Variants in ASPSCR1 observed in about 807,000 individuals in gnomAD.
ASPSCR1 encodes ASPSCR1 tether for SLC2A4, UBX domain containing.
A neutral mutation model predicts 68.9 loss-of-function variants in ASPSCR1; 55 were observed. The observed-to-expected ratio is 0.80, with a 90% confidence interval of 0.64 to 1.00. ASPSCR1 has a LOEUF of 1.00. Ranked by LOEUF, ASPSCR1 falls within the 50% of genes least tolerant of loss-of-function variation. ASPSCR1 has a pLI of 0.00. For synonymous variants in ASPSCR1, 352 were observed against 332.6 expected (o/e 1.06, Z -0.63); for missense variants, 765 against 762.2 (o/e 1.00, Z -0.04).
At chr17:82,014,262 C>G (rs1236075406) in intron 12 of ASPSCR1, 2 of 152,516 alleles carry the variant, frequency 1.3e-5, no homozygotes, top group Admixed American at 6.5e-5. Context: ...TGCCGTGTCG[C>G]CCACTGCCGG....
At chr17:81,988,760 T>C (rs2042074943) in intron 4 of ASPSCR1, among the ~76,000 whole-genome samples, 1 of 152,096 alleles carries the variant, frequency 6.6e-6, no homozygotes, top group Admixed American at 6.5e-5. Context: ...GTGGGTGTCA[T>C]GTGGGTGTTG....
intron 6 of ASPSCR1, 125 bp downstream of exon 6, chr17:81,996,190 C>T (rs1368214683): frequency 2.3e-5 from 30 of 1,312,766 alleles, no homozygotes; most frequent in African/African-American, 6.0e-5. Flanking sequence ...TCATGGAGAG[C>T]GCCTGGTGGC....
chr17:81,996,975 A>T, intron 7 of ASPSCR1, 129 bp downstream of exon 7: 10 of 1,497,922 alleles, frequency 6.7e-6, no homozygotes, highest in Non-Finnish European at 8.9e-6. Context: ...CGCGCAGAGG[A>T]ACCCAAACGC....
chr17:81,978,768 A>G, intron 1 of ASPSCR1: 1 of 237,878 alleles, frequency 4.2e-6, no homozygotes, highest in South Asian at 4.9e-5. Flanking sequence ...CTTTTTATGG[A>G]GAAGAGGGGC....
intron 7 of ASPSCR1, among the ~76,000 whole-genome samples, chr17:82,000,034 A>G (rs975795666): frequency 6.6e-6 from 1 of 152,144 alleles, no homozygotes; most frequent in African/African-American, 2.4e-5. Context: ...AACTCTGCCA[A>G]ACTCTGCACT....
In ASPSCR1 at chr17:81,990,058, A is replaced by C. The variant is rs146513986; in HGVS notation, c.374+4451A>C. On this transcript the variant is annotated intron_variant, in intron 4 of 15. Coordinates refer to ENST00000306739, the MANE Select transcript of ASPSCR1 (RefSeq NM_024083.4). The surrounding 1 kb of genome is among the most constrained non-coding windows in gnomAD (Gnocchi z 4.1). The stretch of plus-strand genomic sequence containing the variant: ...CCAAAGTGCTGAGATTACAGGCGTG[A>C]GCCACCACACCTGGCCAATCACTCA... 2.0e-5 allele frequency among the ~76,000 whole-genome samples: 3 copies of C among 152,314 alleles called. No individual in the cohort carries two copies. Among genetic ancestry groups the C allele is most frequent in the African/African-American group, 7.2e-5 (3 of 41,564 alleles).
chr17:81,991,177 A>G (rs567645890), intron 4 of ASPSCR1, among the ~76,000 whole-genome samples: 83 of 152,288 alleles, frequency 5.5e-4, no homozygotes, highest in African/African-American at 1.8e-3. Flanking sequence ...TCATGAGCTC[A>G]GCCATGGAGG....
At chr17:82,011,470 G>A in intron 10 of ASPSCR1, 73 bp from the exon 11 acceptor site, 1 of 1,399,030 alleles carries the variant, frequency 7.1e-7, no homozygotes, top group Non-Finnish European at 9.8e-7. Flanking sequence ...TGGGAGCAGT[G>A]GCCCAGGTGC....
Position 82,012,287 on chromosome 17 carries a change from C to G in ASPSCR1, c.1353+4C>G, listed in dbSNP as rs757697470. Reference sequence around the variant, plus strand: ...CCACACGCAGACCCTCTTTCAGGTACCTGAGGGCCTCCCTGGGGTGCTGCG... The same window carrying G: ...CCACACGCAGACCCTCTTTCAGGTAGCTGAGGGCCTCCCTGGGGTGCTGCG... On this transcript the variant is annotated splice_donor_region_variant and intron_variant, in intron 12 of 15. Transcript: ENST00000306739. 3.0e-5 allele frequency: 49 copies of G among 1,613,178 alleles called. No individual in the cohort carries two copies. Among genetic ancestry groups the G allele is most frequent in the Non-Finnish European group, 4.2e-5 (49 of 1,179,756 alleles).
rs2043155424 is a variant in ASPSCR1 at position 82,016,991 on chromosome 17, C to T, written c.1526C>T (p.Pro509Leu). ...GSPSPLPAPD[P>L]APKSEPAAEE... ...CCTTCCCCATTGCCAGCCCCTGACC[C>T]TGCACCTAAGTCTGAGCCAGCTGCT... Residue 509 changes from proline (P) to leucine (L), a missense_variant, in exon 15 of 16, where the codon CCT (proline) becomes CTT (leucine). Physicochemically the swap from Pro to Leu is moderately conservative, Grantham distance 98. Transcript: ENST00000306739. 5.0e-6 allele frequency: 8 copies of T among 1,612,680 alleles called. No individual in the cohort carries two copies. Among genetic ancestry groups the T allele is most frequent in the Non-Finnish European group, 5.9e-6 (7 of 1,179,912 alleles).
At chr17:81,982,253 G>C (rs989233639) in intron 2 of ASPSCR1, among the ~76,000 whole-genome samples, 2 of 152,264 alleles carry the variant, frequency 1.3e-5, no homozygotes, top group African/African-American at 4.8e-5. Context: ...ACAGGCATGA[G>C]CCACCGCGCC....
intron 2 of ASPSCR1, among the ~76,000 whole-genome samples, chr17:81,980,559 A>G (rs1369315222): frequency 6.6e-6 from 1 of 152,172 alleles, no homozygotes; most frequent in Non-Finnish European, 1.5e-5. Flanking sequence ...TGCGGTTCAT[A>G]TGTTTGGAAA....
intron 3 of ASPSCR1, among the ~76,000 whole-genome samples, chr17:81,984,882 A>AC (rs548190136): frequency 3.1e-3 from 58 of 18,940 alleles, no homozygotes; most frequent in African/African-American, 0.01. Flanking sequence ...CCGCACACAC[A>AC]CCCCCCACAC....
intron 12 of ASPSCR1, chr17:82,013,462 G>C (rs2043019349): frequency 6.6e-6 from 1 of 152,242 alleles, no homozygotes; most frequent in African/African-American, 2.4e-5. Flanking sequence ...GCCTCTCGGG[G>C]TGGTGTCCCC....
rs185058927 is a variant in ASPSCR1 at position 81,998,961 on chromosome 17, A to G, written c.933+2115A>G. 9.1e-3 allele frequency among the ~76,000 whole-genome samples: 1,385 copies of G among 152,172 alleles called. 23 individuals are homozygous for G. Among genetic ancestry groups the G allele is most frequent in the Non-Finnish European group, 9.6e-3 (651 of 67,982 alleles). Reference sequence around the variant, plus strand: ...ACCCTCTCCCTCACGCCTCCCCCCAACCGTGGGGACCTCGTGTCTGTGGGG... The same window carrying G: ...ACCCTCTCCCTCACGCCTCCCCCCAGCCGTGGGGACCTCGTGTCTGTGGGG... On this transcript the variant is annotated intron_variant, in intron 7 of 15. Coordinates refer to ENST00000306739, the MANE Select transcript of ASPSCR1 (RefSeq NM_024083.4).
chr17:81,981,937 A>T (rs2143992709), intron 2 of ASPSCR1, among the ~76,000 whole-genome samples: 1 of 151,972 alleles, frequency 6.6e-6, no homozygotes, highest in East Asian at 1.9e-4. Flanking sequence ...AAGTGCTGGG[A>T]TGATAGGCGT....
At chr17:81,982,876 T>C (rs1200549877) in intron 2 of ASPSCR1, among the ~76,000 whole-genome samples, 1 of 152,052 alleles carries the variant, frequency 6.6e-6, no homozygotes, top group Non-Finnish European at 1.5e-5. Flanking sequence ...TGCAGTGGCA[T>C]GATCTTGCCT....
At chr17:82,015,538 C>A in intron 12 of ASPSCR1, 1 of 788,438 alleles carries the variant, frequency 1.3e-6, no homozygotes, top group Non-Finnish European at 2.0e-6. Context: ...ATGATGAGAA[C>A]CAGGTGCCTC....
chr17:81,999,581 C>T lies in ASPSCR1; in HGVS notation c.933+2735C>T, dbSNP rs570770683. ...GGCGGAGGTTGCAGTGAGCCGAGATCGTGCCACTGCACTCCAGCCCGGGTG... is the reference window on the plus strand; with the variant it reads ...GGCGGAGGTTGCAGTGAGCCGAGATTGTGCCACTGCACTCCAGCCCGGGTG... On this transcript the variant is annotated intron_variant, in intron 7 of 15. Coordinates refer to ENST00000306739, the MANE Select transcript of ASPSCR1 (RefSeq NM_024083.4). This position sits in a 1 kb window ranked among gnomAD's most constrained non-coding sequence, Gnocchi z 4.4. Among the ~76,000 whole-genome samples the T allele has an allele frequency of 1.4e-4, 21 of 150,188 alleles. No individual in the cohort carries two copies. Among genetic ancestry groups the T allele is most frequent in the African/African-American group, 3.2e-4 (13 of 40,708 alleles).
Sources: gnomAD v4.1 joint callset for allele counts (sites outside exome capture counted in the v4.1 genomes callset) on GRCh38, gnomAD v4.1.1 for gene constraint, Gnocchi (gnomAD v3.1) non-coding constraint, MANE v1.5 for transcripts, NCBI Gene and HGNC (gene_info 2026-07-23, HGNC 2026-07-21) for gene names.